Variants in TSNARE1 observed in about 807,000 individuals in gnomAD.
TSNARE1 encodes the protein t-SNARE domain containing 1.
Under a neutral mutation model 62.0 loss-of-function variants are expected in TSNARE1, and 49 were observed. The ratio of observed to expected loss-of-function variants is 0.79; its 90% CI spans 0.63 to 1.00. The LOEUF is 1.00. Among genes scored for constraint, TSNARE1 ranks in the 50% least tolerant of loss-of-function variants. The probability of loss-of-function intolerance (pLI) is 0.00; values close to 1 mark genes in which losing one functional copy is unlikely to be tolerated. For missense variants in TSNARE1, 755 were observed against 700.1 expected, an observed-to-expected ratio of 1.08 and a Z score of -0.88; for synonymous variants, 328 against 294.4, an observed-to-expected ratio of 1.11 and a Z score of -1.17.
intron 6 of TSNARE1, among the ~76,000 whole-genome samples, chr8:142,326,530 C>T (rs1367275909): frequency 7.8e-6 from 1 of 127,866 alleles, no homozygotes; most frequent in Non-Finnish European, 1.6e-5. Flanking sequence ...CCGGAGAGCA[C>T]GAGACAGATG....
chr8:142,234,514 G>A (rs1223697524), intron 12 of TSNARE1, among the ~76,000 whole-genome samples: 2 of 151,058 alleles, frequency 1.3e-5, no homozygotes, highest in Admixed American at 1.3e-4. Flanking sequence ...CCCCAACCAT[G>A]GGTTCAGGGA....
At chr8:142,384,400 G>A (rs531565797) in intron 1 of TSNARE1, among the ~76,000 whole-genome samples, 1 of 152,282 alleles carries the variant, frequency 6.6e-6, no homozygotes, top group Non-Finnish European at 1.5e-5. Context: ...GAAAAATTTG[G>A]AGGCCACATT....
At position 142,220,923 on chromosome 8, in the gene TSNARE1, C is replaced by T. The variant is rs1178239321; in HGVS notation, c.*11+8550G>A. Among the ~76,000 whole-genome samples, 3 of 152,216 alleles carry T rather than the reference C, an allele frequency of 2.0e-5. 1 individual carries two copies. The highest frequency in any genetic ancestry group is 4.1e-4 in the South Asian group (2 of 4,834). Reference sequence around the variant, plus strand: ...GAAATGAAGGACTGAGGACAGAATCCGTGTAAAGTACTCACTCCCTGCTGG... The same window carrying T: ...GAAATGAAGGACTGAGGACAGAATCTGTGTAAAGTACTCACTCCCTGCTGG... On this transcript the variant is annotated intron_variant, in intron 13 of 13. Transcript: ENST00000524325.
At chr8:142,271,311 G>A in intron 12 of TSNARE1, 1 of 1,116,920 alleles carries the variant, frequency 9.0e-7, no homozygotes, top group Non-Finnish European at 1.1e-6. Flanking sequence ...CGCTGGCTCT[G>A]CTCGGCCAGC....
chr8:142,219,660 G>A (rs533204398), intron 13 of TSNARE1, among the ~76,000 whole-genome samples: 76 of 152,322 alleles, frequency 5.0e-4, no homozygotes, highest in Non-Finnish European at 9.1e-4. Context: ...CTGCCTTCCT[G>A]CCTGTCCATT....
At chr8:142,278,116 C>T (rs1392341673) in intron 11 of TSNARE1, 1 of 985,356 alleles carries the variant, frequency 1.0e-6, no homozygotes, top group Non-Finnish European at 1.2e-6. Flanking sequence ...GGCCCACTGA[C>T]CAGGCCCATC....
Position 142,308,280 on chromosome 8 carries a change from A to G in TSNARE1, c.1131+6104T>C, listed in dbSNP as rs145557880. Reference sequence around the variant, plus strand: ...GCGTCTGTGTAAGAAATACTTGTCCACCGTGAAGGCGTCGGGGAGCCTCCC... The same window carrying G: ...GCGTCTGTGTAAGAAATACTTGTCCGCCGTGAAGGCGTCGGGGAGCCTCCC... On this transcript the variant is annotated intron_variant, in intron 9 of 13. Coordinates refer to ENST00000524325, the MANE Select transcript of TSNARE1 (RefSeq NM_145003.5). 7.7e-3 allele frequency among the ~76,000 whole-genome samples: 1,176 copies of G among 152,190 alleles called. 17 individuals carry two copies. The highest frequency in any genetic ancestry group is 0.027 in the African/African-American group (1,118 of 41,506).
At chr8:142,222,930 A>G (rs1445132197) in intron 13 of TSNARE1, among the ~76,000 whole-genome samples, 1 of 150,980 alleles carries the variant, frequency 6.6e-6, no homozygotes, top group African/African-American at 2.4e-5. Flanking sequence ...TCATTCACTC[A>G]TCCACTCATT....
chr8:142,353,988 C>T (rs1834464346), intron 2 of TSNARE1, among the ~76,000 whole-genome samples: 1 of 152,302 alleles, frequency 6.6e-6, no homozygotes, highest in South Asian at 2.1e-4. Context: ...CTGCCCTGAC[C>T]CAGACATCAC....
chr8:142,269,795 G>A (rs915439834), intron 12 of TSNARE1: 23 of 985,290 alleles, frequency 2.3e-5, no homozygotes, highest in African/African-American at 1.4e-4. Flanking sequence ...AGCACCATGC[G>A]CACCCATAGA....
In TSNARE1 at chr8:142,372,354, G is replaced by A. The variant is rs572744654; in HGVS notation, c.-39-17591C>T. On this transcript the variant is annotated intron_variant, in intron 1 of 13. Transcript: ENST00000524325. Reference sequence around the variant, plus strand: ...GCTGAAAGAATGAGAGAAAACCAGCGAAGGATGAGTGGGAGGGAGAAGGGA... The same window carrying A: ...GCTGAAAGAATGAGAGAAAACCAGCAAAGGATGAGTGGGAGGGAGAAGGGA... 9.2e-5 allele frequency among the ~76,000 whole-genome samples: 14 copies of A among 152,326 alleles called. No homozygotes were observed. The East Asian group carries it at 1.3e-3, about 15-fold the overall frequency.
At chr8:142,371,851 G>A (rs1451307597) in intron 1 of TSNARE1, among the ~76,000 whole-genome samples, 2 of 152,252 alleles carry the variant, frequency 1.3e-5, no homozygotes, top group African/African-American at 4.8e-5. Flanking sequence ...CTCATCTGCA[G>A]TAAAGCTTTG....
intron 3 of TSNARE1, among the ~76,000 whole-genome samples, chr8:142,345,107 G>A (rs1320528369): frequency 1.3e-5 from 2 of 152,236 alleles, no homozygotes; most frequent in African/African-American, 4.8e-5. Context: ...TCCTGCAAGG[G>A]AACAGGGCTG....
At position 142,319,116 on chromosome 8, in the gene TSNARE1, C is replaced by T. The variant is rs1162353221; in HGVS notation, c.894-482G>A. On this transcript the variant is annotated intron_variant, in intron 6 of 13. Coordinates refer to ENST00000524325, the MANE Select transcript of TSNARE1 (RefSeq NM_145003.5). This position sits in a 1 kb window ranked among gnomAD's most constrained non-coding sequence, Gnocchi z 4.9. ...GTGGCCCAGCCAGAACAGTGGCAGC[C>T]GGGCCCCACCAATCGGCCACTGCGA... is the stretch of plus-strand genomic sequence containing the variant. Among the ~76,000 whole-genome samples the T allele has an allele frequency of 7.9e-5, 12 of 151,930 alleles. No individual in the cohort carries two copies. Among genetic ancestry groups the T allele is most frequent in the Non-Finnish European group, 1.8e-4 (12 of 67,968 alleles).
At chr8:142,344,594 T>C (rs1180628502) in intron 3 of TSNARE1, 122 bp from the exon 4 acceptor site, 6 of 1,065,384 alleles carry the variant, frequency 5.6e-6, no homozygotes, top group Non-Finnish European at 6.4e-6. Context: ...TGCCTGGTCC[T>C]GGCCACCACC....
chr8:142,240,106 A>T (rs1363036672), intron 12 of TSNARE1, among the ~76,000 whole-genome samples: 1 of 152,252 alleles, frequency 6.6e-6, no homozygotes, highest in African/African-American at 2.4e-5. Context: ...TACAAGAGGC[A>T]TATCAAAAGC....
At chr8:142,340,283 G>A (rs909584883) in intron 4 of TSNARE1, among the ~76,000 whole-genome samples, 14 of 152,228 alleles carry the variant, frequency 9.2e-5, no homozygotes, top group Non-Finnish European at 2.1e-4. Flanking sequence ...GTTTCCTCGT[G>A]ATGGCAGGAA....
At chr8:142,341,871 A>C (rs886975883) in intron 4 of TSNARE1, among the ~76,000 whole-genome samples, 1 of 152,204 alleles carries the variant, frequency 6.6e-6, no homozygotes, top group Non-Finnish European at 1.5e-5. Context: ...AGCACCAGGA[A>C]ACCCACTCGA....
chr8:142,269,768 C>G, intron 12 of TSNARE1: 1 of 985,382 alleles, frequency 1.0e-6, no homozygotes, highest in Non-Finnish European at 1.2e-6. Context: ...GTGGAGGCCC[C>G]GCCCAGAACC....
Sources: allele counts gnomAD v4.1 joint callset (sites outside exome capture counted in the v4.1 genomes callset), GRCh38; gene constraint gnomAD v4.1.1; non-coding constraint Gnocchi (gnomAD v3.1); transcripts MANE v1.5; gene names NCBI Gene and HGNC (gene_info 2026-07-23, HGNC 2026-07-21).